Variants in RIMS1 observed in about 807,000 individuals in gnomAD.
RIMS1 encodes regulating synaptic membrane exocytosis 1, also known as regulating synaptic membrane exocytosis protein 1.
Under a neutral mutation model 214.1 loss-of-function variants are expected in RIMS1, and 83 were observed. The ratio of observed to expected loss-of-function variants is 0.39; its 90% confidence interval spans 0.32 to 0.47. The LOEUF is 0.47. RIMS1 is among the 20% of genes least tolerant of loss of function. The pLI is 0.99. For synonymous variants in RIMS1, 793 were observed against 786.8 expected (o/e 1.01, Z -0.13); for missense variants, 2,050 against 2,161.8 (o/e 0.95, Z 1.03).
intron 6 of RIMS1, among the ~76,000 whole-genome samples, chr6:72,202,569 C>A (rs2052186960): frequency 6.6e-6 from 1 of 152,144 alleles, no homozygotes; most frequent in Admixed American, 6.5e-5. Flanking sequence ...GTTAGGACAT[C>A]AACAGATGAG....
At chr6:72,142,292 A>AT (rs2042168551) in intron 4 of RIMS1, among the ~76,000 whole-genome samples, 2 of 151,976 alleles carry the variant, frequency 1.3e-5, no homozygotes, top group South Asian at 4.1e-4. Flanking sequence ...AAAGATGGTG[A>AT]TTCCCCCCCT....
rs2048567276 is a variant in RIMS1, at chr6:72,182,968, C to T, written c.1497C>T (p.Asp499=). 1.9e-6 allele frequency: 3 copies of T among 1,594,016 alleles called. No individual in the cohort carries two copies. Among genetic ancestry groups the T allele is most frequent in the Non-Finnish European group, 2.6e-6 (3 of 1,171,464 alleles). Residue 499 remains aspartate, a synonymous_variant, in exon 6 of 34, where the codon GAC becomes GAT. Coordinates refer to ENST00000521978, the MANE Select transcript of RIMS1 (RefSeq NM_014989.7). ...REKVETMLRN[D]SLSSDQSESV... is the part of the protein sequence containing the mutation. ...AGGTGGAGACCATGCTGCGGAACGA[C>T]TCTTTGAGCTCAGACCAGTCCGAGT...
At chr6:72,171,347 C>CGT (rs1554259766) in intron 4 of RIMS1, among the ~76,000 whole-genome samples, 35 of 149,192 alleles carry the variant, frequency 2.3e-4, no homozygotes, top group Non-Finnish European at 3.4e-4. Context: ...ATATATATTA[C>CGT]GTGTGTGTGT....
At position 72,130,074 on chromosome 6, in the gene RIMS1, G is replaced by A. The variant is rs1259047466; in HGVS notation, c.471+30088G>A. ...TTGATTTTAGTTAGAAATCTCAACC[G>A]ATTTTGTTTCACTTACTCTGGAAAA... is the stretch of plus-strand genomic sequence containing the variant. On this transcript the variant is annotated intron_variant, in intron 4 of 33. Coordinates refer to ENST00000521978, the MANE Select transcript of RIMS1 (RefSeq NM_014989.7). Among the ~76,000 whole-genome samples the A allele has an allele frequency of 4.6e-5, 7 of 152,090 alleles. 1 individual carries two copies. Among genetic ancestry groups the A allele is most frequent in the South Asian group, 4.1e-4 (2 of 4,824 alleles).
At chr6:72,304,556 C>T (rs1425144410) in intron 26 of RIMS1, among the ~76,000 whole-genome samples, 4 of 151,778 alleles carry the variant, frequency 2.6e-5, no homozygotes, top group Non-Finnish European at 5.9e-5. Flanking sequence ...TGGCTTGACA[C>T]ATCTGCAATA....
At chr6:72,152,847 G>A (rs2043859277) in intron 4 of RIMS1, among the ~76,000 whole-genome samples, 1 of 65,172 alleles carries the variant, frequency 1.5e-5, no homozygotes, top group Non-Finnish European at 2.7e-5. Context: ...TGTATATATG[G>A]AATATATGTA....
chr6:72,100,844 G>A (rs1486674298), intron 4 of RIMS1, among the ~76,000 whole-genome samples: 1 of 151,972 alleles, frequency 6.6e-6, no homozygotes, highest in Admixed American at 6.6e-5. Context: ...TAATTAGCAA[G>A]TGTGACATTA....
Position 72,103,000 on chromosome 6 carries a change from T to C in RIMS1, c.471+3014T>C, listed in dbSNP as rs181445718. 8.8e-4 allele frequency among the ~76,000 whole-genome samples: 134 copies of C among 152,252 alleles called. 1 individual carries two copies. The Middle Eastern group carries it at 0.031, about 35-fold the overall frequency. ...CTGGACCCACTTTTATGTTTTCTTC[T>C]TTTTATCTGGATGTTTTGATAGATT... On this transcript the variant is annotated intron_variant, in intron 4 of 33. Coordinates refer to ENST00000521978, the MANE Select transcript of RIMS1 (RefSeq NM_014989.7).
chr6:72,059,478 C>A (rs918081760), intron 2 of RIMS1, among the ~76,000 whole-genome samples: 1 of 152,166 alleles, frequency 6.6e-6, no homozygotes, highest in Non-Finnish European at 1.5e-5. Context: ...ATCCATCCCC[C>A]TCGGCCTCCC....
chr6:72,126,259 A>G (rs1457250697), intron 4 of RIMS1, among the ~76,000 whole-genome samples: 1 of 152,204 alleles, frequency 6.6e-6, no homozygotes, highest in Non-Finnish European at 1.5e-5. Flanking sequence ...CTTACCTTAA[A>G]CAAAAATCAG....
intron 22 of RIMS1, among the ~76,000 whole-genome samples, chr6:72,268,852 C>A (rs1350306153): frequency 6.6e-6 from 1 of 152,094 alleles, no homozygotes. Flanking sequence ...CTTCTTAAAT[C>A]AATATATTTG....
rs563808512 is a variant in RIMS1 at position 72,244,938 on chromosome 6, A to G, written c.2082-877A>G. On this transcript the variant is annotated intron_variant, in intron 10 of 33. Transcript: ENST00000521978. ...AATTTTGTTGGGACTAGCTAACTCCAGTCTGCTTTAATATGTCATGTTAAT... is the reference window on the plus strand; with the variant it reads ...AATTTTGTTGGGACTAGCTAACTCCGGTCTGCTTTAATATGTCATGTTAAT... Among the ~76,000 whole-genome samples, 8 of 152,126 alleles carry G rather than the reference A, an allele frequency of 5.3e-5. No individual in the cohort carries two copies. In the South Asian group the frequency reaches 1.7e-3, roughly 31 times the overall value.
At chr6:71,887,959 C>T (rs1768342422) in intron 1 of RIMS1, among the ~76,000 whole-genome samples, 1 of 152,156 alleles carries the variant, frequency 6.6e-6, no homozygotes. Flanking sequence ...ACCTCTGGGG[C>T]CTGTTCAGTT....
chr6:72,003,084 C>A (rs1805883256), intron 2 of RIMS1, among the ~76,000 whole-genome samples: 1 of 152,118 alleles, frequency 6.6e-6, no homozygotes, highest in Admixed American at 6.5e-5. Context: ...TACCAGAACT[C>A]CGTGGCTGAA....
At chr6:72,167,801 A>G (rs2046465537) in intron 4 of RIMS1, among the ~76,000 whole-genome samples, 1 of 151,588 alleles carries the variant, frequency 6.6e-6, no homozygotes, top group African/African-American at 2.4e-5. Context: ...GAGTAATTAT[A>G]TTTTCTGTTA....
At chr6:72,171,144 C>CT (rs2046972507) in intron 4 of RIMS1, among the ~76,000 whole-genome samples, 1 of 152,030 alleles carries the variant, frequency 6.6e-6, no homozygotes, top group East Asian at 1.9e-4. Flanking sequence ...CTGCCATTAC[C>CT]TACACAGAAT....
At chr6:72,120,968 T>C (rs1272390283) in intron 4 of RIMS1, among the ~76,000 whole-genome samples, 2 of 151,894 alleles carry the variant, frequency 1.3e-5, no homozygotes, top group Non-Finnish European at 2.9e-5. Flanking sequence ...GTTGTAGATA[T>C]GTGGTGTTAT....
At chr6:72,395,217 G>C (rs1382878409) in intron 31 of RIMS1, among the ~76,000 whole-genome samples, 2 of 151,982 alleles carry the variant, frequency 1.3e-5, no homozygotes, top group African/African-American at 2.4e-5. Context: ...AGAGAATAGA[G>C]AGACAGTTTT....
intron 2 of RIMS1, among the ~76,000 whole-genome samples, chr6:72,048,161 T>C (rs1402663654): frequency 6.6e-6 from 1 of 152,218 alleles, no homozygotes; most frequent in Non-Finnish European, 1.5e-5. Flanking sequence ...ACAAAGTAAG[T>C]ATTTAAAAAA....
Sources: gnomAD v4.1 joint callset for allele counts (sites outside exome capture counted in the v4.1 genomes callset) on GRCh38, gnomAD v4.1.1 for gene constraint, MANE v1.5 for transcripts, NCBI Gene and HGNC (gene_info 2026-07-23, HGNC 2026-07-21) for gene names.